The following PVT1 variants were observed in gnomAD, a reference collection of about 807,000 sequenced individuals.
PVT1 encodes CXCR4/PVT1 fusion.
At chr8:127,880,672 C>T (rs1362036606) in intron 2 of PVT1, among the ~76,000 whole-genome samples, 3 of 148,276 alleles carry the variant, frequency 2.0e-5, no homozygotes, top group African/African-American at 7.5e-5. Context: ...ATGATCACTG[C>T]TCATTGCAAC....
At chr8:127,963,951 C>T (rs763966874) in intron 3 of PVT1, among the ~76,000 whole-genome samples, 15 of 152,160 alleles carry the variant, frequency 9.9e-5, no homozygotes, top group Non-Finnish European at 1.9e-4. Flanking sequence ...ATCGTTTATT[C>T]GTCCAGTAAC....
chr8:128,033,192 C>A (rs1813415119), intron 4 of PVT1, among the ~76,000 whole-genome samples: 1 of 152,214 alleles, frequency 6.6e-6, no homozygotes, highest in Admixed American at 6.5e-5. Context: ...ACCCAACAAT[C>A]CACTTAAGGA....
At chr8:128,093,616 A>C (rs1413293652) in intron 5 of PVT1, among the ~76,000 whole-genome samples, 1 of 152,038 alleles carries the variant, frequency 6.6e-6, no homozygotes, top group East Asian at 1.9e-4. Flanking sequence ...TGGCACGACT[A>C]TCACCTCCCT....
intron 2 of PVT1, among the ~76,000 whole-genome samples, chr8:127,797,323 C>T (rs932467092): frequency 2.6e-5 from 4 of 152,142 alleles, no homozygotes; most frequent in South Asian, 2.1e-4. Flanking sequence ...CCACAGTACC[C>T]GGCCTTGTTT....
chr8:128,046,084 C>T (rs930556969), intron 4 of PVT1, among the ~76,000 whole-genome samples: 5 of 152,168 alleles, frequency 3.3e-5, no homozygotes, highest in Admixed American at 6.5e-5. Context: ...GATGTAGTTC[C>T]AGCCCTCCTA....
chr8:127,798,884 C>T (rs757902009), intron 2 of PVT1, among the ~76,000 whole-genome samples: 11 of 151,884 alleles, frequency 7.2e-5, no homozygotes, highest in Non-Finnish European at 1.5e-4. Context: ...AAAAAACAAA[C>T]AACCGCCTCG....
chr8:127,867,488 C>T (rs376614492), intron 2 of PVT1, among the ~76,000 whole-genome samples: 5 of 152,206 alleles, frequency 3.3e-5, no homozygotes, highest in African/African-American at 4.8e-5. Flanking sequence ...TAACAATGAG[C>T]GATGCTTCTG....
chr8:127,846,180 C>G (rs989904708), intron 2 of PVT1, among the ~76,000 whole-genome samples: 9 of 152,176 alleles, frequency 5.9e-5, no homozygotes, highest in African/African-American at 2.2e-4. Context: ...TAAAAGTGAA[C>G]AAAGTAACCA....
intron 4 of PVT1, among the ~76,000 whole-genome samples, chr8:127,994,295 T>G (rs1817078748): frequency 6.6e-6 from 1 of 152,144 alleles, no homozygotes; most frequent in Non-Finnish European, 1.5e-5. Flanking sequence ...GGAAACACGA[T>G]CTCTCCAACT....
At chr8:127,812,313 A>G (rs1394019685) in intron 2 of PVT1, among the ~76,000 whole-genome samples, 1 of 150,252 alleles carries the variant, frequency 6.7e-6, no homozygotes, top group Non-Finnish European at 1.5e-5. Flanking sequence ...TGGGCGTGGT[A>G]GCTCTTGCCT....
At chr8:127,942,359 A>C (rs1397138206) in intron 3 of PVT1, among the ~76,000 whole-genome samples, 1 of 152,180 alleles carries the variant, frequency 6.6e-6, no homozygotes, top group Non-Finnish European at 1.5e-5. Context: ...GAAAGAAATC[A>C]GGTGTGATTC....
At chr8:128,026,642 G>A (rs993406625) in intron 4 of PVT1, among the ~76,000 whole-genome samples, 2 of 152,154 alleles carry the variant, frequency 1.3e-5, no homozygotes, top group Non-Finnish European at 2.9e-5. Context: ...AGGGTGAGGA[G>A]GCTGGCTAGA....
Position 127,969,167 on chromosome 8 carries a change from C to T in PVT1, n.783-19995C>T, listed in dbSNP as rs116122612. ...GTTTATAAGCGAACTTTGACACTTGCCTCTGCTGATATGGCTGGGAATCCT... is the reference window on the plus strand; with the variant it reads ...GTTTATAAGCGAACTTTGACACTTGTCTCTGCTGATATGGCTGGGAATCCT... On this transcript the variant is annotated intron_variant and non_coding_transcript_variant, in intron 3 of 10. Transcript: ENST00000651587. 4.5e-3 allele frequency among the ~76,000 whole-genome samples: 681 copies of T among 152,280 alleles called. 8 individuals carry two copies. Among genetic ancestry groups the T allele is most frequent in the African/African-American group, 0.016 (659 of 41,548 alleles).
rs1444716719 is a variant in PVT1 at position 127,951,900 on chromosome 8, C to G, written n.783-37262C>G. Among the ~76,000 whole-genome samples, 4 of 151,970 alleles carry G rather than the reference C, an allele frequency of 2.6e-5. No homozygotes were observed. In the East Asian group the frequency reaches 7.8e-4, roughly 29 times the overall value. On this transcript the variant is annotated intron_variant and non_coding_transcript_variant, in intron 3 of 10. Coordinates refer to ENST00000651587, the Ensembl canonical transcript of PVT1. ...GCATGATCTCGGCTTACTGCAACCTCCAACTCCTGGGTTCAAGCGATTCTC... is the reference window on the plus strand; with the variant it reads ...GCATGATCTCGGCTTACTGCAACCTGCAACTCCTGGGTTCAAGCGATTCTC...
At chr8:127,841,218 C>T (rs1814969824) in intron 2 of PVT1, among the ~76,000 whole-genome samples, 1 of 152,218 alleles carries the variant, frequency 6.6e-6, no homozygotes, top group Non-Finnish European at 1.5e-5. Context: ...TCTTCATCCA[C>T]CTCTTGTTGG....
At chr8:127,919,840 T>G (rs1285866034) in intron 3 of PVT1, among the ~76,000 whole-genome samples, 1 of 152,220 alleles carries the variant, frequency 6.6e-6, no homozygotes, top group Admixed American at 6.5e-5. Context: ...TTTCTTCCCT[T>G]TCCTTCTGCT....
At chr8:127,928,817 A>G (rs935051152) in intron 3 of PVT1, among the ~76,000 whole-genome samples, 1 of 152,190 alleles carries the variant, frequency 6.6e-6, no homozygotes, top group Admixed American at 6.5e-5. Context: ...AGCCCTCCAA[A>G]TACAGCAGGG....
intron 4 of PVT1, among the ~76,000 whole-genome samples, chr8:128,061,765 T>G (rs1186830227): frequency 2.0e-5 from 3 of 152,190 alleles, no homozygotes; most frequent in Non-Finnish European, 2.9e-5. Context: ...CAGGAACACT[T>G]TCTGGGAAAG....
rs574153473 is a variant in PVT1, at chr8:127,949,030, C to G, written n.783-40132C>G. Among the ~76,000 whole-genome samples, 3 of 152,332 alleles carry G rather than the reference C, an allele frequency of 2.0e-5. No homozygotes were observed. In the South Asian group the frequency reaches 6.2e-4, roughly 32 times the overall value. On this transcript the variant is annotated intron_variant and non_coding_transcript_variant, in intron 3 of 10. Transcript: ENST00000651587. The stretch of plus-strand genomic sequence containing the variant: ...ACTGCGAGCCAGGGCCTGTTTAAGC[C>G]TTTTCCATGTCTGAACACACTTCAT...
Sources: allele counts gnomAD v4.1 joint callset (sites outside exome capture counted in the v4.1 genomes callset), GRCh38; gene constraint gnomAD v4.1.1; transcripts MANE v1.5; gene names NCBI Gene and HGNC (gene_info 2026-07-23, HGNC 2026-07-21).